ABCC1: variants seen among roughly 807,000 people sequenced by gnomAD.
ABCC1 encodes the protein multidrug resistance-associated protein 1.
ABCC1 carries 83 observed loss-of-function variants against 172.9 expected under a neutral mutation model. The ratio of observed to expected loss-of-function variants is 0.48; its 90% CI spans 0.40 to 0.58. The LOEUF (loss-of-function observed/expected upper bound fraction) is 0.58, where lower values mean the gene tolerates loss of function less well. Ranked by LOEUF, ABCC1 falls within the 20% of genes least tolerant of loss-of-function variation. The pLI is 0.00. For missense variants in ABCC1, 1,817 were observed against 2,002.7 expected (o/e 0.91, Z 1.77); for synonymous variants, 937 against 825.2 (o/e 1.14, Z -2.32).
chr16:16,128,936 A>G lies in ABCC1; in HGVS notation c.3820-2853A>G, dbSNP rs12446785. The stretch of plus-strand genomic sequence containing the variant: ...CTGGAACCCGGGAGGTGGAGGTTGC[A>G]GTGAGCTGAAGAAACATCACTGCAC... On this transcript the variant is annotated intron_variant, in intron 26 of 30. Transcript: ENST00000399410. Among the ~76,000 whole-genome samples the G allele has an allele frequency of 1.4e-3, 206 of 152,324 alleles. 2 individuals carry two copies. The highest frequency in any genetic ancestry group is 0.01 in the Middle Eastern group (3 of 294).
At chr16:15,993,284 G>A (rs1037363286) in intron 1 of ABCC1, among the ~76,000 whole-genome samples, 7 of 152,154 alleles carry the variant, frequency 4.6e-5, no homozygotes, top group Non-Finnish European at 8.8e-5. Context: ...GTGTTAATCC[G>A]TCTCTTGGCT....
chr16:16,035,081 A>T (rs2048704925), intron 6 of ABCC1, among the ~76,000 whole-genome samples: 1 of 152,228 alleles, frequency 6.6e-6, no homozygotes, highest in African/African-American at 2.4e-5. Flanking sequence ...AGAACAAAAC[A>T]TGAAAGTATT....
chr16:15,961,738 A>G (rs1597054957), intron 1 of ABCC1, among the ~76,000 whole-genome samples: 1 of 149,058 alleles, frequency 6.7e-6, no homozygotes, highest in East Asian at 1.9e-4. Context: ...TTTTAAGCCC[A>G]TGCAAATTGA....
chr16:15,975,336 A>T (rs554383432), intron 1 of ABCC1, among the ~76,000 whole-genome samples: 42 of 151,714 alleles, frequency 2.8e-4, no homozygotes, highest in Non-Finnish European at 4.4e-4. Context: ...GGTGCTTGGG[A>T]GTTCTCCTGG....
intron 3 of ABCC1, among the ~76,000 whole-genome samples, chr16:16,010,850 C>A (rs1183026409): frequency 6.6e-6 from 1 of 152,112 alleles, no homozygotes; most frequent in Non-Finnish European, 1.5e-5. Context: ...GGGGTGGGAC[C>A]CCAGATGCCA....
At chr16:15,979,055 G>A (rs984908216) in intron 1 of ABCC1, among the ~76,000 whole-genome samples, 1 of 152,144 alleles carries the variant, frequency 6.6e-6, no homozygotes, top group East Asian at 1.9e-4. Flanking sequence ...CACTTCGGGG[G>A]GCCCAGGTGG....
At position 16,134,394 on chromosome 16, in the gene ABCC1, C is replaced by A. The variant is rs748301592; in HGVS notation, c.4011C>A (p.Thr1337=). The change falls in exon 28 of 31, where the codon ACC becomes ACA. Residue 1337 remains threonine (T), a synonymous_variant. Coordinates refer to ENST00000399410, the MANE Select transcript of ABCC1 (RefSeq NM_004996.4). The part of the protein sequence containing the change: ...GRTGAGKSSL[T]LGLFRINESA... ...CGGGAGCTGGGAAGTCGTCCCTGAC[C>A]CTGGGCTTATTTCGGATCAACGAGT... 30 of 1,613,970 alleles carry A rather than the reference C, an allele frequency of 1.9e-5. No homozygotes were observed. The highest frequency in any genetic ancestry group is 2.5e-5 in the Non-Finnish European group (29 of 1,180,042).
chr16:16,100,750 G>C (rs987401604), intron 19 of ABCC1, among the ~76,000 whole-genome samples: 3 of 152,186 alleles, frequency 2.0e-5, no homozygotes, highest in Non-Finnish European at 4.4e-5. Context: ...TGCTGTGCCA[G>C]GCACTGCGTG....
chr16:16,010,037 CTTTTTTTTTTT>C (rs71388789), intron 3 of ABCC1, 136 bp downstream of exon 3: 1,840 of 108,172 alleles, frequency 0.017, 61 homozygotes, highest in Non-Finnish European at 0.021. Flanking sequence ...TAAATGTAGC[CTTTTTTTTTTT>C]TTTTTTTTTT....
At chr16:16,122,295 A>G in intron 24 of ABCC1, 121 bp downstream of exon 24, 1 of 1,078,694 alleles carries the variant, frequency 9.3e-7, no homozygotes, top group Non-Finnish European at 1.3e-6. Flanking sequence ...CCTTGCAGAA[A>G]GGATGGAGAG....
intron 18 of ABCC1, among the ~76,000 whole-genome samples, chr16:16,088,277 T>C (rs1384080421): frequency 2.0e-5 from 3 of 152,010 alleles, no homozygotes; most frequent in Non-Finnish European, 4.4e-5. Context: ...AAACCCCATC[T>C]CTACTAAAAA....
intron 1 of ABCC1, among the ~76,000 whole-genome samples, chr16:15,958,935 C>T (rs1296906555): frequency 1.3e-5 from 2 of 152,154 alleles, no homozygotes; most frequent in Non-Finnish European, 2.9e-5. Flanking sequence ...CTGGCCTCTA[C>T]CCCCTAGTAG....
chr16:16,124,402 T>TGTGTGG (rs2045339214), intron 24 of ABCC1, among the ~76,000 whole-genome samples: 1 of 147,710 alleles, frequency 6.8e-6, no homozygotes, highest in African/African-American at 2.5e-5. Context: ...TGTGTGTGTG[T>TGTGTGG]GTGTGTGTAT....
At position 16,120,229 on chromosome 16, in the gene ABCC1, C is replaced by G. The variant is rs529211806; in HGVS notation, c.3391-1746C>G. ...GGGCAGGATGCAGGGAGGCCGAGTT[C>G]CTAGCAACCCTTTGTTAGTTTTCCC... On this transcript the variant is annotated intron_variant, in intron 23 of 30. Coordinates refer to ENST00000399410, the MANE Select transcript of ABCC1 (RefSeq NM_004996.4). Among the ~76,000 whole-genome samples the G allele has an allele frequency of 9.9e-5, 15 of 152,092 alleles. No individual in the cohort carries two copies. The South Asian group carries it at 3.1e-3, about 32-fold the overall frequency.
At position 16,044,564 on chromosome 16, in the gene ABCC1, G is replaced by A; in HGVS notation, c.924G>A (p.Glu308=). 6.2e-7 allele frequency: 1 copy of A among 1,614,194 alleles called. No homozygotes were observed. ...EALIVKSPQK[E]WNPSLFKVLY... is the part of the protein sequence containing the mutation. ...TGATCGTCAAGTCCCCACAGAAGGA[G>A]TGGAACCCCTCTCTGTTTAAGGTGT... Residue 308 remains glutamate, a synonymous_variant, in exon 8 of 31, where the codon GAG becomes GAA. Transcript: ENST00000399410.
At chr16:16,044,960 T>C (rs2049141329) in intron 8 of ABCC1, among the ~76,000 whole-genome samples, 1 of 152,164 alleles carries the variant, frequency 6.6e-6, no homozygotes, top group Non-Finnish European at 1.5e-5. Context: ...AGCTTTACTT[T>C]ATGCTTTACT....
chr16:16,134,562 TGCAC>T, intron 28 of ABCC1, 54 bp downstream of exon 28: 22 of 1,600,698 alleles, frequency 1.4e-5, no homozygotes, highest in Non-Finnish European at 1.9e-5. Context: ...GCCCTATGAT[TGCAC>T]TGACAGTGGT....
chr16:15,986,302 A>C (rs964144800), intron 1 of ABCC1, among the ~76,000 whole-genome samples: 1 of 151,974 alleles, frequency 6.6e-6, no homozygotes, highest in Admixed American at 6.6e-5. Context: ...CTGTGATTAC[A>C]TTGGGCCCAC....
intron 5 of ABCC1, among the ~76,000 whole-genome samples, chr16:16,021,297 G>A (rs1412266312): frequency 6.6e-6 from 1 of 151,790 alleles, no homozygotes; most frequent in African/African-American, 2.4e-5. Flanking sequence ...TGAAGGCTTG[G>A]CATGGTGTCA....
Sources: gnomAD v4.1 joint callset for allele counts (sites outside exome capture counted in the v4.1 genomes callset) on GRCh38, gnomAD v4.1.1 for gene constraint, MANE v1.5 for transcripts, NCBI Gene and HGNC (gene_info 2026-07-23, HGNC 2026-07-21) for gene names.